The following MACROD2 variants were observed in gnomAD, a reference collection of about 807,000 sequenced individuals.
MACROD2 encodes the protein ADP-ribose glycohydrolase MACROD2.
A neutral mutation model predicts 70.4 loss-of-function variants in MACROD2; 36 were observed. That is an observed-to-expected ratio of 0.51 (90% CI 0.39 to 0.68). The LOEUF is 0.68. Among genes scored for constraint, MACROD2 ranks in the 30% least tolerant of loss-of-function variants. MACROD2 has a pLI of 0.00. For synonymous variants in MACROD2, 172 were observed against 178.8 expected (o/e 0.96, Z 0.30); for missense variants, 496 against 538.4 (o/e 0.92, Z 0.78).
intron 10 of MACROD2, among the ~76,000 whole-genome samples, chr20:15,917,417 A>G (rs1433524483): frequency 6.6e-6 from 1 of 152,184 alleles, no homozygotes; most frequent in Non-Finnish European, 1.5e-5. Flanking sequence ...CACGTGAATA[A>G]CAATAACCTT....
chr20:15,638,547 A>T (rs1045375392), intron 8 of MACROD2, among the ~76,000 whole-genome samples: 1 of 152,166 alleles, frequency 6.6e-6, no homozygotes, highest in Non-Finnish European at 1.5e-5. Flanking sequence ...GAGGCAGTGA[A>T]CCTCAGGACT....
chr20:14,056,172 G>T (rs2053628868), intron 2 of MACROD2, among the ~76,000 whole-genome samples: 1 of 151,926 alleles, frequency 6.6e-6, no homozygotes, highest in Non-Finnish European at 1.5e-5. Flanking sequence ...AGAATTGTCT[G>T]TTTTGTTCAG....
At chr20:15,888,586 C>A (rs566732554) in intron 10 of MACROD2, among the ~76,000 whole-genome samples, 2 of 152,258 alleles carry the variant, frequency 1.3e-5, no homozygotes, top group South Asian at 4.2e-4. Flanking sequence ...AATGCAGAGT[C>A]CCCAAGTTTG....
At chr20:15,750,560 CA>C (rs11464330) in intron 8 of MACROD2, among the ~76,000 whole-genome samples, 19,367 of 147,030 alleles carry the variant, frequency 0.13, 1,347 homozygotes, top group East Asian at 0.17. Context: ...GGAGGTTCCT[CA>C]AAAAAAAAAA....
intron 6 of MACROD2, among the ~76,000 whole-genome samples, chr20:15,295,888 C>T (rs1219560003): frequency 2.6e-5 from 4 of 152,152 alleles, no homozygotes; most frequent in Non-Finnish European, 5.9e-5. Context: ...TGACTTATCA[C>T]GAGACCCTCG....
chr20:15,685,970 G>C (rs929384311), intron 8 of MACROD2, among the ~76,000 whole-genome samples: 1 of 152,068 alleles, frequency 6.6e-6, no homozygotes, highest in Non-Finnish European at 1.5e-5. Flanking sequence ...TTTATCCATT[G>C]CACAGTGCCT....
chr20:15,990,372 A>C (rs1405629431), intron 15 of MACROD2, among the ~76,000 whole-genome samples: 2 of 152,224 alleles, frequency 1.3e-5, no homozygotes, highest in African/African-American at 4.8e-5. Flanking sequence ...GCAAATTTAG[A>C]AATATTTGAC....
intron 4 of MACROD2, among the ~76,000 whole-genome samples, chr20:14,504,081 CT>C (rs2084944264): frequency 6.6e-6 from 1 of 152,164 alleles, no homozygotes; most frequent in African/African-American, 2.4e-5. Context: ...TCTCTTTCCT[CT>C]AAGATTATAG....
chr20:14,999,676 A>C (rs1232973683), intron 5 of MACROD2, among the ~76,000 whole-genome samples: 2 of 152,198 alleles, frequency 1.3e-5, no homozygotes, highest in Admixed American at 6.5e-5. Flanking sequence ...AACAACAAAA[A>C]GTTAAAAAGC....
At chr20:14,069,218 A>AT (rs1287082340) in intron 2 of MACROD2, among the ~76,000 whole-genome samples, 1 of 152,220 alleles carries the variant, frequency 6.6e-6, no homozygotes, top group Non-Finnish European at 1.5e-5. Flanking sequence ...AAGTGCTGGG[A>AT]TTACTGGCAT....
intron 5 of MACROD2, among the ~76,000 whole-genome samples, chr20:15,215,252 TTGTGTGTGTG>T (rs376439581): frequency 1.4e-4 from 19 of 135,548 alleles, no homozygotes; most frequent in South Asian, 4.9e-4. Flanking sequence ...CTCCTGTATT[TTGTGTGTGTG>T]TGTGTGTGTG....
intron 4 of MACROD2, among the ~76,000 whole-genome samples, chr20:14,675,890 G>T (rs1470169056): frequency 6.6e-6 from 1 of 151,876 alleles, no homozygotes; most frequent in Non-Finnish European, 1.5e-5. Flanking sequence ...AAAAAGCAAG[G>T]GTTGCAATCC....
At chr20:14,291,008 C>T (rs2082382277) in intron 3 of MACROD2, among the ~76,000 whole-genome samples, 1 of 152,112 alleles carries the variant, frequency 6.6e-6, no homozygotes, top group African/African-American at 2.4e-5. Context: ...TTTGTTATTC[C>T]TTAAAGACAT....
intron 6 of MACROD2, among the ~76,000 whole-genome samples, chr20:15,425,244 C>G (rs1314709018): frequency 6.6e-6 from 1 of 152,172 alleles, no homozygotes; most frequent in African/African-American, 2.4e-5. Context: ...AGGAAACAAA[C>G]AATTTATCTC....
At chr20:14,502,815 T>C (rs994106209) in intron 4 of MACROD2, among the ~76,000 whole-genome samples, 2 of 152,204 alleles carry the variant, frequency 1.3e-5, no homozygotes, top group African/African-American at 4.8e-5. Context: ...TGTGCTTTAA[T>C]TAACCCCTCA....
At chr20:14,831,156 C>T (rs1384621597) in intron 5 of MACROD2, among the ~76,000 whole-genome samples, 1 of 152,048 alleles carries the variant, frequency 6.6e-6, no homozygotes, top group African/African-American at 2.4e-5. Context: ...CACCTCACCA[C>T]CTACCATAAG....
chr20:15,114,766 T>C (rs2123230919), intron 5 of MACROD2, among the ~76,000 whole-genome samples: 1 of 152,336 alleles, frequency 6.6e-6, no homozygotes, highest in South Asian at 2.1e-4. Flanking sequence ...TGCTTGTTCC[T>C]TTCATTTTTA....
At chr20:14,393,568 T>G (rs960157159) in intron 3 of MACROD2, among the ~76,000 whole-genome samples, 2 of 152,060 alleles carry the variant, frequency 1.3e-5, no homozygotes, top group Non-Finnish European at 2.9e-5. Context: ...CATCATCTTG[T>G]GCAAAGCCCT....
chr20:16,009,313 A>G (rs769910713), intron 15 of MACROD2, among the ~76,000 whole-genome samples: 10 of 152,216 alleles, frequency 6.6e-5, no homozygotes, highest in Non-Finnish European at 1.5e-4. Context: ...CAAAACAGGG[A>G]CACAGGAGCA....
Sources: gnomAD v4.1 joint callset for allele counts (sites outside exome capture counted in the v4.1 genomes callset) on GRCh38, gnomAD v4.1.1 for gene constraint, MANE v1.5 for transcripts, NCBI Gene and HGNC (gene_info 2026-07-23, HGNC 2026-07-21) for gene names.